CEP112: variants seen among roughly 807,000 people sequenced by gnomAD.
The protein encoded by CEP112 is centrosomal protein of 112 kDa.
Under a neutral mutation model 153.0 loss-of-function variants are expected in CEP112, and 127 were observed. That is an observed-to-expected ratio of 0.83 (90% confidence interval 0.72 to 0.96). CEP112 has a LOEUF of 0.96. Ranked by LOEUF, CEP112 falls within the 40% of genes least tolerant of loss-of-function variation. CEP112 has a pLI of 0.00. For synonymous variants in CEP112, 358 were observed against 374.4 expected (o/e 0.96, Z 0.51); for missense variants, 1,089 against 1,101.2 (o/e 0.99, Z 0.16).
chr17:65,801,128 C>T (rs2055247559), intron 21 of CEP112, among the ~76,000 whole-genome samples: 1 of 152,056 alleles, frequency 6.6e-6, no homozygotes, highest in Non-Finnish European at 1.5e-5. Context: ...TGCGCTGGTG[C>T]ACTCACTGCA....
At chr17:66,147,955 T>TC (rs1189468514) in intron 4 of CEP112, among the ~76,000 whole-genome samples, 1 of 151,964 alleles carries the variant, frequency 6.6e-6, no homozygotes, top group Non-Finnish European at 1.5e-5. Context: ...TCCAACTTCG[T>TC]TTTTTTTCTA....
At chr17:65,926,195 A>AT (rs2060917459) in intron 19 of CEP112, among the ~76,000 whole-genome samples, 1 of 151,940 alleles carries the variant, frequency 6.6e-6, no homozygotes, top group Non-Finnish European at 1.5e-5. Flanking sequence ...ATCATCATTT[A>AT]TTTTCCTTGA....
chr17:66,079,096 A>G (rs750207812), intron 8 of CEP112, among the ~76,000 whole-genome samples: 5 of 152,150 alleles, frequency 3.3e-5, no homozygotes, highest in Non-Finnish European at 5.9e-5. Context: ...TATTACTAAA[A>G]GGACAAAAAT....
chr17:65,699,618 T>TTTTG (rs1488357029), intron 23 of CEP112, among the ~76,000 whole-genome samples: 2 of 152,140 alleles, frequency 1.3e-5, no homozygotes, highest in African/African-American at 4.8e-5. Flanking sequence ...GCCACATTTC[T>TTTTG]TTTGTTTGTT....
At chr17:65,740,148 T>C (rs2051046853) in intron 23 of CEP112, among the ~76,000 whole-genome samples, 1 of 152,190 alleles carries the variant, frequency 6.6e-6, no homozygotes, top group Non-Finnish European at 1.5e-5. Flanking sequence ...AAAAATATCA[T>C]GTGAACATTT....
chr17:65,791,683 A>G (rs970199732), intron 21 of CEP112, among the ~76,000 whole-genome samples: 3 of 152,336 alleles, frequency 2.0e-5, no homozygotes, highest in African/African-American at 4.8e-5. Flanking sequence ...GATAATAACC[A>G]TCAAGATCTA....
intron 20 of CEP112, among the ~76,000 whole-genome samples, chr17:65,852,980 C>G (rs1007908643): frequency 6.6e-6 from 1 of 152,106 alleles, no homozygotes; most frequent in African/African-American, 2.4e-5. Context: ...GTTCAAAATA[C>G]TTTTTTAACT....
intron 6 of CEP112, among the ~76,000 whole-genome samples, chr17:66,114,846 T>C (rs960212280): frequency 1.3e-5 from 2 of 151,908 alleles, no homozygotes; most frequent in African/African-American, 4.8e-5. Context: ...CAGGAAAACA[T>C]ATATTAAAAC....
intron 21 of CEP112, among the ~76,000 whole-genome samples, chr17:65,843,349 T>C (rs1050559603): frequency 1.8e-4 from 28 of 152,142 alleles, no homozygotes; most frequent in African/African-American, 6.8e-4. Context: ...ATAAAAAATA[T>C]ACGGGATATT....
chr17:65,972,645 G>GA (rs1220078708), intron 17 of CEP112, among the ~76,000 whole-genome samples: 6 of 152,028 alleles, frequency 3.9e-5, no homozygotes, highest in Admixed American at 2.0e-4. Context: ...AGGCTGGTCA[G>GA]AAAAAAAGAA....
chr17:66,044,198 G>C (rs1263379263), intron 12 of CEP112, among the ~76,000 whole-genome samples: 1 of 151,714 alleles, frequency 6.6e-6, no homozygotes, highest in African/African-American at 2.4e-5. Context: ...ATTCCATTGT[G>C]AATGATATTT....
chr17:66,083,711 C>A (rs1008417634), intron 8 of CEP112, among the ~76,000 whole-genome samples: 1 of 151,986 alleles, frequency 6.6e-6, no homozygotes, highest in Non-Finnish European at 1.5e-5. Context: ...ATTAGCCAGG[C>A]GTGGTGGTGA....
intron 18 of CEP112, among the ~76,000 whole-genome samples, chr17:65,931,852 A>G (rs2061136531): frequency 1.3e-5 from 2 of 152,208 alleles, no homozygotes; most frequent in South Asian, 4.1e-4. Context: ...CCTGAGGTGC[A>G]GGCAGGGAGC....
intron 6 of CEP112, among the ~76,000 whole-genome samples, chr17:66,125,507 C>T (rs984639466): frequency 1.3e-4 from 19 of 151,856 alleles, no homozygotes; most frequent in African/African-American, 4.6e-4. Context: ...CAGAGCAAGA[C>T]CCTGTCTCTA....
chr17:65,822,827 A>T (rs1165455624), intron 21 of CEP112, among the ~76,000 whole-genome samples: 1 of 152,182 alleles, frequency 6.6e-6, no homozygotes, highest in Non-Finnish European at 1.5e-5. Context: ...TCAGCTAATT[A>T]TATATGTAGA....
intron 23 of CEP112, among the ~76,000 whole-genome samples, chr17:65,692,939 T>C (rs759929318): frequency 5.3e-5 from 8 of 152,196 alleles, no homozygotes; most frequent in Non-Finnish European, 8.8e-5. Context: ...CTGTCCTTCA[T>C]GTGGCACATT....
intron 20 of CEP112, among the ~76,000 whole-genome samples, chr17:65,870,536 T>C (rs991647096): frequency 6.6e-6 from 1 of 152,118 alleles, no homozygotes; most frequent in East Asian, 1.9e-4. Context: ...TAGACTCAAA[T>C]AGAATTATAA....
At chr17:65,780,957 A>G (rs1006211242) in intron 21 of CEP112, among the ~76,000 whole-genome samples, 28 of 152,226 alleles carry the variant, frequency 1.8e-4, no homozygotes, top group African/African-American at 6.5e-4. Flanking sequence ...GTAAGAAAAA[A>G]AGTAATGTAT....
At chr17:65,778,422 T>G (rs1160079090) in intron 21 of CEP112, among the ~76,000 whole-genome samples, 1 of 152,196 alleles carries the variant, frequency 6.6e-6, no homozygotes, top group Non-Finnish European at 1.5e-5. Flanking sequence ...TTATTTCCCT[T>G]AGAAGTGATT....
Sources: gnomAD v4.1 joint callset for allele counts (sites outside exome capture counted in the v4.1 genomes callset) on GRCh38, gnomAD v4.1.1 for gene constraint, MANE v1.5 for transcripts, NCBI Gene and HGNC (gene_info 2026-07-23, HGNC 2026-07-21) for gene names.